The following ADAMTS9 variants were observed in gnomAD, a reference collection of about 807,000 sequenced individuals.
ADAMTS9 encodes the protein ADAM metallopeptidase with thrombospondin type 1 motif 9, also known as A disintegrin and metalloproteinase with thrombospondin motifs 9.
A neutral mutation model predicts 257.1 loss-of-function variants in ADAMTS9; 107 were observed. The ratio of observed to expected loss-of-function variants is 0.42; its 90% CI spans 0.36 to 0.49. ADAMTS9 has a LOEUF of 0.49. Ranked by LOEUF, ADAMTS9 falls within the 20% of genes least tolerant of loss-of-function variation. The probability of loss-of-function intolerance (pLI) is 0.03; values close to 1 mark genes in which losing one functional copy is unlikely to be tolerated. For synonymous variants in ADAMTS9, 982 were observed against 880.9 expected, an observed-to-expected ratio of 1.11 and a Z score of -2.03; for missense variants, 2,353 against 2,469.1, an observed-to-expected ratio of 0.95 and a Z score of 1.00.
At chr3:64,599,841 T>C (rs193110194) in intron 26 of ADAMTS9, among the ~76,000 whole-genome samples, 321 of 152,318 alleles carry the variant, frequency 2.1e-3, no homozygotes, top group African/African-American at 7.3e-3. Flanking sequence ...ACATATTGTC[T>C]ATGCCTGCTT....
chr3:64,561,822 G>C, intron 29 of ADAMTS9, 71 bp from the exon 30 acceptor site: 1 of 1,396,908 alleles, frequency 7.2e-7, no homozygotes. Flanking sequence ...GGTGTCGAGG[G>C]TCACAGAGGA....
chr3:64,518,096 A>T (rs2082803447), intron 39 of ADAMTS9, among the ~76,000 whole-genome samples: 1 of 152,200 alleles, frequency 6.6e-6, no homozygotes, highest in South Asian at 2.1e-4. Flanking sequence ...GTAATCCTAG[A>T]GCTGCCCAGG....
chr3:64,625,836 T>A (rs577592073), intron 16 of ADAMTS9, among the ~76,000 whole-genome samples: 1 of 152,216 alleles, frequency 6.6e-6, no homozygotes, highest in African/African-American at 2.4e-5. Flanking sequence ...ATAGCCTCCC[T>A]GTAACTTTAC....
chr3:64,664,580 C>T (rs920523297), intron 3 of ADAMTS9, among the ~76,000 whole-genome samples: 2 of 152,118 alleles, frequency 1.3e-5, no homozygotes, highest in Admixed American at 6.6e-5. Context: ...TTTCAAGGTT[C>T]GTCTATGTTG....
chr3:64,675,718 G>C (rs1701608830), intron 3 of ADAMTS9, among the ~76,000 whole-genome samples: 1 of 152,132 alleles, frequency 6.6e-6, no homozygotes, highest in South Asian at 2.1e-4. Context: ...GAAATAGATT[G>C]GGTTAAGGCT....
chr3:64,637,835 G>A (rs1700538303), intron 12 of ADAMTS9, among the ~76,000 whole-genome samples: 1 of 152,138 alleles, frequency 6.6e-6, no homozygotes, highest in African/African-American at 2.4e-5. Flanking sequence ...CATCTTTAAT[G>A]ATCTTTCCAA....
At chr3:64,618,902 G>C (rs1485614720) in intron 19 of ADAMTS9, among the ~76,000 whole-genome samples, 1 of 152,082 alleles carries the variant, frequency 6.6e-6, no homozygotes, top group Non-Finnish European at 1.5e-5. Context: ...TACATTTTAT[G>C]TCTAAAGGCT....
chr3:64,547,009 A>G lies in ADAMTS9; in HGVS notation c.4870-57T>C, dbSNP rs181210153. The G allele has an allele frequency of 1.7e-4, 250 of 1,497,816 alleles. 1 individual carries two copies. The African/African-American group carries it at 2.6e-3, about 15-fold the overall frequency. 92.8% of individuals were successfully genotyped at this position (1,497,816 alleles called of 1,614,324 possible). A position where few individuals can be genotyped will look rare whatever the true frequency, so the allele number is the denominator to read the frequency against. ...GAGCAGTTCCTGGGGGCAGCCCACA[A>G]TAGGCCCCTGACCTCCACACCAAGC... is the stretch of plus-strand genomic sequence containing the variant. On this transcript the variant is annotated intron_variant, in intron 31 of 39. Transcript: ENST00000498707.
At chr3:64,615,719 T>C (rs1034012262) in intron 20 of ADAMTS9, among the ~76,000 whole-genome samples, 1 of 152,180 alleles carries the variant, frequency 6.6e-6, no homozygotes, top group Non-Finnish European at 1.5e-5. Context: ...TTGTAGAGTA[T>C]GCAAAAGAAA....
chr3:64,616,412 G>T (rs1057352707), intron 19 of ADAMTS9, among the ~76,000 whole-genome samples: 1 of 152,144 alleles, frequency 6.6e-6, no homozygotes, highest in East Asian at 1.9e-4. Context: ...CCTTTGTGAT[G>T]ATTTTACCCC....
chr3:64,613,281 T>C, intron 22 of ADAMTS9, 64 bp downstream of exon 22: 1 of 1,568,500 alleles, frequency 6.4e-7, no homozygotes, highest in Non-Finnish European at 8.7e-7. Context: ...AATGCTCCTT[T>C]GCAAGTCCTC....
chr3:64,585,300 C>T (rs117355594), intron 28 of ADAMTS9, among the ~76,000 whole-genome samples: 1,775 of 152,158 alleles, frequency 0.012, 63 homozygotes, highest in East Asian at 0.068. Flanking sequence ...AGTTCCCAAG[C>T]GTAACTGTTT....
At chr3:64,626,814 T>C (rs1357230382) in intron 16 of ADAMTS9, among the ~76,000 whole-genome samples, 2 of 152,178 alleles carry the variant, frequency 1.3e-5, no homozygotes, top group Non-Finnish European at 2.9e-5. Context: ...ACAAGGAGGA[T>C]AGAGTGCTTC....
intron 12 of ADAMTS9, among the ~76,000 whole-genome samples, chr3:64,636,854 T>G (rs576742839): frequency 2.0e-5 from 3 of 152,276 alleles, no homozygotes; most frequent in African/African-American, 7.2e-5. Context: ...GCCTAAAGTA[T>G]TTACTATTTG....
chr3:64,629,580 C>T (rs1271926617), intron 16 of ADAMTS9, among the ~76,000 whole-genome samples: 1 of 152,224 alleles, frequency 6.6e-6, no homozygotes, highest in Non-Finnish European at 1.5e-5. Context: ...CCACATCTCA[C>T]CCTTGGTATC....
intron 31 of ADAMTS9, chr3:64,550,688 A>G: frequency 1.7e-6 from 1 of 599,738 alleles, no homozygotes; most frequent in Non-Finnish European, 2.9e-6. Flanking sequence ...CTTAGAGACC[A>G]TCTCTTACAT....
intron 39 of ADAMTS9, among the ~76,000 whole-genome samples, chr3:64,521,153 T>A (rs1380244481): frequency 6.6e-6 from 1 of 152,058 alleles, no homozygotes; most frequent in Non-Finnish European, 1.5e-5. Flanking sequence ...GACAGACACT[T>A]CTCAAAAGAA....
intron 16 of ADAMTS9, among the ~76,000 whole-genome samples, chr3:64,623,115 C>T (rs1471136992): frequency 6.6e-6 from 1 of 152,152 alleles, no homozygotes; most frequent in Non-Finnish European, 1.5e-5. Flanking sequence ...CAGTGTAGCT[C>T]ACTGTGGTAG....
rs578216753 is a variant in ADAMTS9, at chr3:64,648,982, C to T, written c.1605+655G>A. 5.9e-5 allele frequency among the ~76,000 whole-genome samples: 9 copies of T among 152,190 alleles called. No individual in the cohort carries two copies. In the South Asian group the frequency reaches 8.3e-4, roughly 14 times the overall value. The stretch of plus-strand genomic sequence containing the variant: ...CACCAGGCAATCTCTGAAGACACTC[C>T]CAGCAAAAGAAACACACATACGCCA... On this transcript the variant is annotated intron_variant, in intron 10 of 39. Coordinates refer to ENST00000498707, the MANE Select transcript of ADAMTS9 (RefSeq NM_182920.2).
Sources: allele counts gnomAD v4.1 joint callset (sites outside exome capture counted in the v4.1 genomes callset), GRCh38; gene constraint gnomAD v4.1.1; transcripts MANE v1.5; gene names NCBI Gene and HGNC (gene_info 2026-07-23, HGNC 2026-07-21).